LRP1B: variants seen among roughly 807,000 people sequenced by gnomAD.
LRP1B encodes the protein LDL receptor related protein 1B.
LRP1B carries 217 observed loss-of-function variants against 556.6 expected under a neutral mutation model. The observed-to-expected ratio is 0.39, with a 90% CI of 0.35 to 0.44. The LOEUF (loss-of-function observed/expected upper bound fraction) is 0.44, where lower values mean the gene tolerates loss of function less well. Among genes scored for constraint, LRP1B ranks in the 20% least tolerant of loss-of-function variants. The pLI, the probability that LRP1B is intolerant of heterozygous loss-of-function variation, is 1.00. For missense variants in LRP1B, 5,053 were observed against 5,620.8 expected (o/e 0.90, Z 3.23); for synonymous variants, 2,047 against 1,865.8 (o/e 1.10, Z -2.50).
chr2:140,237,992 T>C (rs939949457), intron 89 of LRP1B, among the ~76,000 whole-genome samples, 160 bp downstream of exon 89: 1 of 150,850 alleles, frequency 6.6e-6, no homozygotes, highest in Non-Finnish European at 1.5e-5. Flanking sequence ...AGTCCATAAT[T>C]GTACTTTCTC....
intron 7 of LRP1B, among the ~76,000 whole-genome samples, chr2:141,112,051 T>A (rs1259548872): frequency 1.1e-5 from 1 of 88,578 alleles, no homozygotes; most frequent in African/African-American, 3.7e-5. Flanking sequence ...GCCTCAAAAA[T>A]AAATAAATAA....
At chr2:141,828,999 AAC>A (rs1335996083) in intron 1 of LRP1B, among the ~76,000 whole-genome samples, 1 of 152,116 alleles carries the variant, frequency 6.6e-6, no homozygotes, top group Non-Finnish European at 1.5e-5. Context: ...CTGGGGAAAT[AAC>A]AGTTACTAGC....
At chr2:140,744,040 G>T (rs1441806638) in intron 35 of LRP1B, among the ~76,000 whole-genome samples, 2 of 150,346 alleles carry the variant, frequency 1.3e-5, no homozygotes, top group Admixed American at 1.3e-4. Flanking sequence ...GTTATCAGTG[G>T]GTGAGAGGAA....
At chr2:141,993,933 C>T (rs981943270) in intron 1 of LRP1B, among the ~76,000 whole-genome samples, 3 of 152,054 alleles carry the variant, frequency 2.0e-5, no homozygotes, top group African/African-American at 7.2e-5. Context: ...TCTTTGTCCT[C>T]ATCTTCTACC....
chr2:141,880,696 C>G (rs1023080692), intron 1 of LRP1B, among the ~76,000 whole-genome samples: 1 of 151,850 alleles, frequency 6.6e-6, no homozygotes, highest in Admixed American at 6.6e-5. Context: ...GTCATTTTCA[C>G]CTGGAAATTT....
At chr2:142,123,655 GT>G (rs558738516) in intron 1 of LRP1B, among the ~76,000 whole-genome samples, 6,673 of 136,676 alleles carry the variant, frequency 0.049, 195 homozygotes, top group Non-Finnish European at 0.064. Flanking sequence ...TCTTCAAGAA[GT>G]TTTTTTTTTT....
intron 62 of LRP1B, among the ~76,000 whole-genome samples, chr2:140,455,786 T>C (rs1687082687): frequency 6.6e-6 from 1 of 152,168 alleles, no homozygotes; most frequent in Non-Finnish European, 1.5e-5. Context: ...AAAATACATT[T>C]AGTCATTTTA....
chr2:141,591,890 G>C (rs901811826), intron 2 of LRP1B, among the ~76,000 whole-genome samples: 2 of 152,124 alleles, frequency 1.3e-5, no homozygotes, highest in Non-Finnish European at 2.9e-5. Context: ...AGGGAAAAAA[G>C]ATGTTTGAAA....
At chr2:140,244,400 T>C (rs977465339) in intron 87 of LRP1B, among the ~76,000 whole-genome samples, 5 of 151,308 alleles carry the variant, frequency 3.3e-5, no homozygotes, top group Non-Finnish European at 7.4e-5. Context: ...GCTGAGTATA[T>C]TTTTGTCTTT....
At chr2:140,739,354 CAA>C (rs1337765308) in intron 35 of LRP1B, among the ~76,000 whole-genome samples, 2 of 40,350 alleles carry the variant, frequency 5.0e-5, no homozygotes, top group Non-Finnish European at 1.3e-4. Context: ...ATGAACCCTG[CAA>C]AGAGTCAAAA....
chr2:141,844,502 T>C (rs964402280), intron 1 of LRP1B, among the ~76,000 whole-genome samples: 3 of 152,106 alleles, frequency 2.0e-5, no homozygotes, highest in East Asian at 3.9e-4. Context: ...TGTTTTTTCA[T>C]TGATATTAAC....
At chr2:141,258,877 C>T (rs552836129) in intron 3 of LRP1B, among the ~76,000 whole-genome samples, 10 of 152,280 alleles carry the variant, frequency 6.6e-5, no homozygotes, top group South Asian at 2.1e-4. Flanking sequence ...AGCCATTCTT[C>T]CTGTACAGCC....
chr2:142,111,950 G>T (rs964481473), intron 1 of LRP1B, among the ~76,000 whole-genome samples: 1 of 152,060 alleles, frequency 6.6e-6, no homozygotes, highest in Non-Finnish European at 1.5e-5. Context: ...TAATTGATCA[G>T]AGGTCACAGT....
intron 1 of LRP1B, among the ~76,000 whole-genome samples, chr2:141,989,621 C>A (rs1217538508): frequency 2.0e-5 from 3 of 151,954 alleles, no homozygotes; most frequent in Non-Finnish European, 4.4e-5. Context: ...GAGAGTGGGA[C>A]CAGGTAGAGA....
chr2:141,858,826 TA>T (rs1465619818), intron 1 of LRP1B, among the ~76,000 whole-genome samples: 2 of 152,146 alleles, frequency 1.3e-5, no homozygotes, highest in Admixed American at 6.5e-5. Context: ...TCTAAGAGGT[TA>T]AAAGATTTTC....
In LRP1B at chr2:140,649,179, G is replaced by T. The variant is rs183498673; in HGVS notation, c.6800-47540C>A. 4.6e-5 allele frequency among the ~76,000 whole-genome samples: 7 copies of T among 152,174 alleles called. No individual in the cohort carries two copies. In the East Asian group the frequency reaches 1.4e-3, roughly 29 times the overall value. On this transcript the variant is annotated intron_variant, in intron 41 of 90. Transcript: ENST00000389484. ...TGAGATAACATTCACAATACTGTTTGTCTTCTGGCATTCTCTATCCTGGTA... is the reference window on the plus strand; with the variant it reads ...TGAGATAACATTCACAATACTGTTTTTCTTCTGGCATTCTCTATCCTGGTA...
chr2:140,837,307 A>G (rs1371610787), intron 31 of LRP1B, among the ~76,000 whole-genome samples: 4 of 152,154 alleles, frequency 2.6e-5, no homozygotes, highest in African/African-American at 9.7e-5. Flanking sequence ...GTCTAAAATA[A>G]TTTAGGTTCC....
chr2:140,985,762 A>G (rs1400832228), intron 17 of LRP1B, among the ~76,000 whole-genome samples: 2 of 151,868 alleles, frequency 1.3e-5, no homozygotes, highest in African/African-American at 4.8e-5. Context: ...TCCCAGTGAA[A>G]TATTTCTACC....
chr2:140,759,899 T>C (rs549054129), intron 35 of LRP1B, among the ~76,000 whole-genome samples: 1 of 152,318 alleles, frequency 6.6e-6, no homozygotes, highest in Non-Finnish European at 1.5e-5. Flanking sequence ...CCTAGACAGC[T>C]GTAAGCAATT....
Sources: gnomAD v4.1 joint callset for allele counts (sites outside exome capture counted in the v4.1 genomes callset) on GRCh38, gnomAD v4.1.1 for gene constraint, MANE v1.5 for transcripts, NCBI Gene and HGNC (gene_info 2026-07-23, HGNC 2026-07-21) for gene names.